NOXRED1: variants seen among roughly 807,000 people sequenced by gnomAD.
NOXRED1 encodes the protein NADP dependent oxidoreductase domain containing 1.
A neutral mutation model predicts 30.4 loss-of-function variants in NOXRED1; 20 were observed. The ratio of observed to expected loss-of-function variants is 0.66; its 90% CI spans 0.46 to 0.96. NOXRED1 has a LOEUF of 0.96. Among genes scored for constraint, NOXRED1 ranks in the 40% least tolerant of loss-of-function variants. NOXRED1 has a pLI of 0.00. For missense variants in NOXRED1, 374 were observed against 428.0 expected (o/e 0.87, Z 1.11); for synonymous variants, 155 against 168.0 (o/e 0.92, Z 0.60).
chr14:77,397,390 G>A (rs114268369), intron 5 of NOXRED1, among the ~76,000 whole-genome samples: 12 of 152,306 alleles, frequency 7.9e-5, no homozygotes, highest in African/African-American at 2.6e-4. Context: ...TTGCAGCTGT[G>A]AGGAGGCAAC....
intron 2 of NOXRED1, among the ~76,000 whole-genome samples, chr14:77,410,633 C>A (rs1316344703): frequency 6.6e-6 from 1 of 151,668 alleles, no homozygotes; most frequent in African/African-American, 2.4e-5. Context: ...TACATATATA[C>A]ATAAATAAAT....
At chr14:77,422,618 G>T (rs977005034) in intron 1 of NOXRED1, 117 bp downstream of exon 1, 3 of 987,642 alleles carry the variant, frequency 3.0e-6, no homozygotes, top group African/African-American at 1.6e-5. Context: ...GGTTGGAAAA[G>T]ATAGGATGAC....
chr14:77,396,011 G>A (rs980360592), intron 5 of NOXRED1, among the ~76,000 whole-genome samples: 1 of 151,882 alleles, frequency 6.6e-6, no homozygotes, highest in East Asian at 1.9e-4. Context: ...GAGCCCAGGA[G>A]TTCAAGGCCA....
At chr14:77,424,673 A>G (rs1383727808), upstream of NOXRED1, among the ~76,000 whole-genome samples, 1 of 152,230 alleles carries the variant, frequency 6.6e-6, no homozygotes, top group East Asian at 1.9e-4. Context: ...TACAAGTTGT[A>G]CAGACATGAA....
intron 1 of NOXRED1, 37 bp from the exon 2 acceptor site, chr14:77,414,164 T>A: frequency 8.0e-7 from 1 of 1,257,566 alleles, no homozygotes; most frequent in South Asian, 1.5e-5. Context: ...CATAAATACA[T>A]GCACACACTA....
At chr14:77,402,582 C>T (rs941726940) in intron 5 of NOXRED1, among the ~76,000 whole-genome samples, 19 of 150,764 alleles carry the variant, frequency 1.3e-4, no homozygotes, top group African/African-American at 3.2e-4. Context: ...TGCGGTGAGC[C>T]GAGATCGTGC....
chr14:77,397,012 G>T (rs1406137995), intron 5 of NOXRED1, among the ~76,000 whole-genome samples: 1 of 152,130 alleles, frequency 6.6e-6, no homozygotes, highest in Admixed American at 6.5e-5. Context: ...AAATAAATAT[G>T]CAACTACCAA....
intron 1 of NOXRED1, among the ~76,000 whole-genome samples, chr14:77,414,930 A>G (rs1243446113): frequency 6.6e-6 from 1 of 152,074 alleles, no homozygotes; most frequent in African/African-American, 2.4e-5. Flanking sequence ...TAATCCCAGC[A>G]CTTTGAGAGG....
intron 2 of NOXRED1, among the ~76,000 whole-genome samples, chr14:77,408,892 ATTTTTT>A (rs1177680524): frequency 1.5e-4 from 10 of 68,154 alleles, no homozygotes; most frequent in African/African-American, 3.6e-4. Context: ...CTGGTAGTTA[ATTTTTT>A]TTTTTTTTTT....
chr14:77,414,177 TTTTC>T (rs762239299), intron 1 of NOXRED1, 50 bp from the exon 2 acceptor site: 5 of 1,074,692 alleles, frequency 4.7e-6, no homozygotes, highest in Admixed American at 7.1e-5. Flanking sequence ...ACACACTAGT[TTTTC>T]TTTTTTTTTT....
chr14:77,415,814 A>G (rs1170946775), intron 1 of NOXRED1, among the ~76,000 whole-genome samples: 1 of 151,644 alleles, frequency 6.6e-6, no homozygotes, highest in Non-Finnish European at 1.5e-5. Context: ...CATTCAAGCA[A>G]TTCTCTGCCT....
intron 5 of NOXRED1, among the ~76,000 whole-genome samples, chr14:77,401,389 A>G (rs1894324637): frequency 1.3e-5 from 2 of 151,658 alleles, no homozygotes; most frequent in Admixed American, 6.6e-5. Context: ...AAAAGTTTAA[A>G]TGGAAGAGCA....
At chr14:77,395,991 A>G (rs1157702262) in intron 5 of NOXRED1, among the ~76,000 whole-genome samples, 1 of 151,956 alleles carries the variant, frequency 6.6e-6, no homozygotes, top group Non-Finnish European at 1.5e-5. Context: ...CTGAGAGAAG[A>G]GGATTGCTTG....
At position 77,411,414 on chromosome 14, in the gene NOXRED1, G is replaced by A. The variant is rs570260248; in HGVS notation, c.349+2520C>T. Among the ~76,000 whole-genome samples the A allele has an allele frequency of 2.8e-5, 4 of 141,760 alleles. No individual in the cohort carries two copies. The East Asian group carries it at 8.7e-4, about 31-fold the overall frequency. The allele number at this position is 141,760 out of a possible 152,430, so 93.0% of individuals were successfully genotyped here. On this transcript the variant is annotated intron_variant, in intron 2 of 5. Coordinates refer to ENST00000380835, the MANE Select transcript of NOXRED1 (RefSeq NM_001113475.3). The stretch of plus-strand genomic sequence containing the variant: ...GAACCCGGGAGGCTGAGGTTGCCGT[G>A]AGCCGAGATCACACCACTGTACTCC...
chr14:77,409,206 G>A (rs1894574575), intron 2 of NOXRED1, among the ~76,000 whole-genome samples: 1 of 152,108 alleles, frequency 6.6e-6, no homozygotes, highest in Non-Finnish European at 1.5e-5. Context: ...AAAGACAGAT[G>A]ATTTGGTTTG....
chr14:77,404,370 T>A (rs866738868), intron 5 of NOXRED1, among the ~76,000 whole-genome samples: 21 of 152,218 alleles, frequency 1.4e-4, no homozygotes, highest in African/African-American at 5.1e-4. Flanking sequence ...TAGGATTACA[T>A]CTAGGGTTCT....
At chr14:77,406,691 CA>C (rs1460218567) in intron 4 of NOXRED1, 32 bp downstream of exon 4, 1 of 1,608,432 alleles carries the variant, frequency 6.2e-7, no homozygotes, top group Non-Finnish European at 8.5e-7. Context: ...AAGTAATTTT[CA>C]AAAGAATGCC....
chr14:77,422,646 T>C (rs1895025873), intron 1 of NOXRED1, 89 bp downstream of exon 1: 1 of 1,295,350 alleles, frequency 7.7e-7, no homozygotes, highest in East Asian at 2.3e-5. Flanking sequence ...CAGCCAAACT[T>C]ACCCTCCAAT....
chr14:77,407,505 T>C lies in NOXRED1; in HGVS notation c.490A>G (p.Ser164Gly). 6.2e-7 allele frequency: 1 copy of C among 1,614,164 alleles called. No individual in the cohort carries two copies. The highest frequency in any genetic ancestry group is 8.5e-7 in the Non-Finnish European group (1 of 1,179,980). The change falls in exon 3 of 6, where the codon AGC becomes GGC. Residue 164 changes from serine to glycine, a missense_variant. By Grantham distance (56) the Ser-to-Gly change is moderately conservative. Transcript: ENST00000380835. ...GCAGCTACAAAGCTGTACACAATGC[T>C]GGCCTTCTCAAGGCTGGTGTAAATT... The part of the protein sequence containing the change: ...VEIYTSLEKA[S>G]IVYSFVAAIP...
Sources: allele counts gnomAD v4.1 joint callset (sites outside exome capture counted in the v4.1 genomes callset), GRCh38; gene constraint gnomAD v4.1.1; transcripts MANE v1.5; gene names NCBI Gene and HGNC (gene_info 2026-07-23, HGNC 2026-07-21).